The following TPTE2 variants were observed in gnomAD, a reference collection of about 807,000 sequenced individuals.
The protein encoded by TPTE2 is transmembrane phosphoinositide 3-phosphatase and tensin homolog 2.
In TPTE2, 53 loss-of-function variants were observed where a neutral mutation model predicts 78.6. That is an observed-to-expected ratio of 0.67 (90% CI 0.54 to 0.85). TPTE2 has a LOEUF of 0.85. TPTE2 is among the 40% of genes least tolerant of loss of function. TPTE2 has a pLI of 0.00. For missense variants in TPTE2, 461 were observed against 623.0 expected, an observed-to-expected ratio of 0.74 and a Z score of 2.77; for synonymous variants, 175 against 206.2, an observed-to-expected ratio of 0.85 and a Z score of 1.30.
intron 7 of TPTE2, among the ~76,000 whole-genome samples, chr13:19,465,926 G>A (rs1196444611): frequency 6.6e-6 from 1 of 152,182 alleles, no homozygotes; most frequent in Non-Finnish European, 1.5e-5. Context: ...TAGACTCTTA[G>A]CATTTGTAAA....
chr13:19,454,680 G>A (rs1878429019), intron 10 of TPTE2, among the ~76,000 whole-genome samples: 1 of 152,170 alleles, frequency 6.6e-6, no homozygotes, highest in South Asian at 2.1e-4. Flanking sequence ...AATGCCCCAA[G>A]GAGATAACAG....
At chr13:19,474,746 G>A (rs959047689) in intron 5 of TPTE2, among the ~76,000 whole-genome samples, 7 of 152,166 alleles carry the variant, frequency 4.6e-5, no homozygotes, top group African/African-American at 1.4e-4. Context: ...AGCCTTTGAA[G>A]TACTTTTTTA....
intron 13 of TPTE2, among the ~76,000 whole-genome samples, chr13:19,446,760 G>A (rs1031484854): frequency 2.0e-5 from 3 of 152,134 alleles, no homozygotes; most frequent in Non-Finnish European, 4.4e-5. Context: ...GGGCAACACA[G>A]TGAGACCCTG....
At chr13:19,518,897 T>A (rs1244631426) in intron 1 of TPTE2, among the ~76,000 whole-genome samples, 1 of 152,196 alleles carries the variant, frequency 6.6e-6, no homozygotes, top group Non-Finnish European at 1.5e-5. Context: ...ACAGTTTACC[T>A]GAGAGCAGAA....
At chr13:19,526,890 A>G (rs1870538240) in intron 1 of TPTE2, among the ~76,000 whole-genome samples, 1 of 152,180 alleles carries the variant, frequency 6.6e-6, no homozygotes, top group Admixed American at 6.5e-5. Flanking sequence ...TCAATAAGAG[A>G]AGAGAAAATA....
exon 9 of TPTE2, chr13:19,465,282 A>G: frequency 1.9e-6 from 3 of 1,613,924 alleles, no homozygotes; most frequent in Non-Finnish European, 2.5e-6. Context: ...TCTAGGTCAA[A>G]TCCATCCCTT....
the TPTE2 span, among the ~76,000 whole-genome samples, chr13:19,555,316 T>C: frequency 6.6e-6 from 1 of 152,110 alleles, no homozygotes; most frequent in Non-Finnish European, 1.5e-5. Context: ...TCTGTAGCAG[T>C]GGTAAGAACT....
intron 17 of TPTE2, among the ~76,000 whole-genome samples, chr13:19,429,850 C>T (rs1489571605): frequency 6.6e-6 from 1 of 152,052 alleles, no homozygotes; most frequent in Non-Finnish European, 1.5e-5. Flanking sequence ...TTCATTGTAG[C>T]AAAACATTGA....
At chr13:19,478,359 C>G (rs1291194905) in intron 4 of TPTE2, among the ~76,000 whole-genome samples, 1 of 152,156 alleles carries the variant, frequency 6.6e-6, no homozygotes, top group African/African-American at 2.4e-5. Flanking sequence ...AGGATATGAA[C>G]AGACACTTCT....
intron 18 of TPTE2, among the ~76,000 whole-genome samples, chr13:19,425,316 C>T (rs2137453458): frequency 6.6e-6 from 1 of 152,294 alleles, no homozygotes; most frequent in East Asian, 1.9e-4. Context: ...CAAACAGATG[C>T]TACTAAGGAC....
At chr13:19,544,060 C>CAAAAAAAAAAAAAAAAAAAAA in the TPTE2 span, among the ~76,000 whole-genome samples, 14 of 31,984 alleles carry the variant, frequency 4.4e-4, 1 homozygote, top group Admixed American at 6.6e-4. Flanking sequence ...GAACCTGTCT[C>CAAAAAAAAAAAAAAAAAAAAA]AAAAAAAAAA....
chr13:19,487,604 C>G (rs994890955), intron 3 of TPTE2, among the ~76,000 whole-genome samples: 9 of 152,018 alleles, frequency 5.9e-5, no homozygotes, highest in African/African-American at 2.2e-4. Flanking sequence ...GGTTGATTTC[C>G]CTGCTCTGCA....
At chr13:19,512,746 T>A (rs990017525) in intron 1 of TPTE2, among the ~76,000 whole-genome samples, 8 of 152,034 alleles carry the variant, frequency 5.3e-5, no homozygotes, top group Admixed American at 1.3e-4. Context: ...GCCCAGCTAA[T>A]TTTTGTATTT....
Position 19,482,971 on chromosome 13 carries a change from TAA to T in TPTE2, c.120-426_120-425del, listed in dbSNP as rs1431344947. On this transcript the variant is annotated intron_variant, in intron 3 of 19. Transcript: ENST00000400230. ...AAATGTTTTGGTTCCCCTGTGCATA[TAA>T]AAGTTATGTTTACCCTACACTGTAG... Among the ~76,000 whole-genome samples the T allele has an allele frequency of 2.6e-5, 4 of 152,312 alleles. No homozygotes were observed. The South Asian group carries it at 8.3e-4, about 32-fold the overall frequency.
chr13:19,447,256 A>G (rs1446873539), intron 13 of TPTE2, among the ~76,000 whole-genome samples: 1 of 152,194 alleles, frequency 6.6e-6, no homozygotes, highest in Non-Finnish European at 1.5e-5. Context: ...TTATGTGAAT[A>G]CAGAATAATG....
chr13:19,507,174 TA>T (rs1869117350), upstream of TPTE2, among the ~76,000 whole-genome samples: 1 of 152,066 alleles, frequency 6.6e-6, no homozygotes, highest in African/African-American at 2.4e-5. Context: ...GGGATAGTGA[TA>T]TCACTTCATT....
intron 1 of TPTE2, among the ~76,000 whole-genome samples, chr13:19,512,627 G>T (rs139837007): frequency 6.6e-6 from 1 of 150,636 alleles, no homozygotes; most frequent in Non-Finnish European, 1.5e-5. Flanking sequence ...TGTCCAGGCT[G>T]CAGTGCAGTG....
chr13:19,495,039 G>A (rs1881223861), intron 1 of TPTE2, among the ~76,000 whole-genome samples: 1 of 152,196 alleles, frequency 6.6e-6, no homozygotes, highest in South Asian at 2.1e-4. Context: ...ACCTCAATGT[G>A]TAACAGCATT....
chr13:19,451,841 G>A (rs35989571), intron 10 of TPTE2, among the ~76,000 whole-genome samples: 31,790 of 119,428 alleles, frequency 0.27, 4,425 homozygotes, highest in African/African-American at 0.43. Context: ...GTGTGTGTGT[G>A]TGTATATATG....
Sources: allele counts gnomAD v4.1 joint callset (sites outside exome capture counted in the v4.1 genomes callset), GRCh38; gene constraint gnomAD v4.1.1; transcripts MANE v1.5; gene names NCBI Gene and HGNC (gene_info 2026-07-23, HGNC 2026-07-21).